PTPRF: variants seen among roughly 807,000 people sequenced by gnomAD.
PTPRF encodes protein tyrosine phosphatase receptor type F, also known as receptor-type tyrosine-protein phosphatase F.
Under a neutral mutation model 201.8 loss-of-function variants are expected in PTPRF, and 59 were observed. That is an observed-to-expected ratio of 0.29 (90% CI 0.24 to 0.36). PTPRF has a LOEUF of 0.36. Ranked by LOEUF, PTPRF falls within the 10% of genes least tolerant of loss-of-function variation. The pLI is 1.00. For missense variants in PTPRF, 2,132 were observed against 2,690.5 expected (o/e 0.79, Z 4.59); for synonymous variants, 1,088 against 1,089.7 (o/e 1.00, Z 0.03).
intron 14 of PTPRF, among the ~76,000 whole-genome samples, chr1:43,602,642 C>G (rs1654046711): frequency 6.6e-6 from 1 of 152,128 alleles, no homozygotes; most frequent in African/African-American, 2.4e-5. Context: ...TGCCCTGCTT[C>G]CCACTCTTCT....
Position 43,613,639 on chromosome 1 carries a change from T to C in PTPRF, c.3995T>C (p.Ile1332Thr). The C allele has an allele frequency of 6.2e-7, 1 of 1,613,880 alleles. No individual in the cohort carries two copies. The highest frequency in any genetic ancestry group is 8.5e-7 in the Non-Finnish European group (1 of 1,179,884). The change falls in exon 23 of 34, where the codon ATC becomes ACC. Residue 1332 changes from isoleucine (I) to threonine (T), a missense_variant. Physicochemically the swap from Ile to Thr is moderately conservative, Grantham distance 89. This residue lies in a region of PTPRF where 818 missense variants were observed against 915.3 expected (regional missense o/e 0.89). Coordinates refer to ENST00000359947, the MANE Select transcript of PTPRF (RefSeq NM_002840.5). ...CTAGGTATGCGAGACCACCCACCCATCCCCATCACCGACCTGGCGGACAAC... is the reference window on the plus strand; with the variant it reads ...CTAGGTATGCGAGACCACCCACCCACCCCCATCACCGACCTGGCGGACAAC... ...QTPGMRDHPPIPITDLADNIE... is the reference protein window; with the variant it reads ...QTPGMRDHPPTPITDLADNIE...
intron 3 of PTPRF, among the ~76,000 whole-genome samples, chr1:43,552,433 T>C: frequency 6.6e-6 from 1 of 152,242 alleles, no homozygotes; most frequent in East Asian, 1.9e-4. Flanking sequence ...ATAATAGCAA[T>C]GAAGGACTAA....
At chr1:43,589,060 G>A in intron 8 of PTPRF, 60 bp downstream of exon 8, 1 of 1,461,548 alleles carries the variant, frequency 6.8e-7, no homozygotes, top group Non-Finnish European at 9.1e-7. Context: ...TCCTGGTGGT[G>A]GGCGAATGTG....
At chr1:43,568,948 A>G (rs913367364) in intron 5 of PTPRF, among the ~76,000 whole-genome samples, 1 of 152,226 alleles carries the variant, frequency 6.6e-6, no homozygotes, top group Non-Finnish European at 1.5e-5. Context: ...TCCCAGGGTC[A>G]GGACTAAGTG....
intron 2 of PTPRF, among the ~76,000 whole-genome samples, chr1:43,540,277 G>C (rs1432727829): frequency 6.6e-6 from 1 of 152,148 alleles, no homozygotes; most frequent in Non-Finnish European, 1.5e-5. Context: ...GAGAACCTCT[G>C]GTCTACAGCC....
At chr1:43,587,334 G>A (rs1477074967) in intron 7 of PTPRF, among the ~76,000 whole-genome samples, 1 of 152,250 alleles carries the variant, frequency 6.6e-6, no homozygotes, top group African/African-American at 2.4e-5. Context: ...GAAGGATGAT[G>A]ATGGCTTGGA....
chr1:43,574,127 G>T (rs572098928), intron 6 of PTPRF, among the ~76,000 whole-genome samples: 1 of 151,746 alleles, frequency 6.6e-6, no homozygotes, highest in African/African-American at 2.4e-5. Context: ...CTCCTGAGTA[G>T]CTGGGATTAC....
Position 43,622,133 on chromosome 1 carries a change from G to T in PTPRF, c.*130G>T. 1.0e-6 allele frequency: 1 copy of T among 966,270 alleles called. No individual in the cohort carries two copies. Among genetic ancestry groups the T allele is most frequent in the East Asian group, 2.5e-5 (1 of 40,188 alleles). 59.9% of individuals were successfully genotyped at this position (966,270 alleles called of 1,614,324 possible). On this transcript the variant is annotated 3_prime_UTR_variant, in exon 34 of 34. Transcript: ENST00000359947. ...TCACTGGCAGAGCACAGCCCACGGG[G>T]ATCACAGCGTTTCAGGAACGTTGCC...
Position 43,614,375 on chromosome 1 carries a change from A to C in PTPRF, c.4071+660A>C, listed in dbSNP as rs551623608. Among the ~76,000 whole-genome samples the C allele has an allele frequency of 1.7e-4, 26 of 152,296 alleles. No individual in the cohort carries two copies. In the East Asian group the frequency reaches 4.6e-3, roughly 27 times the overall value. On this transcript the variant is annotated intron_variant, in intron 23 of 33. Coordinates refer to ENST00000359947, the MANE Select transcript of PTPRF (RefSeq NM_002840.5). ...CGAGACTGGCTGCTCAGGCTGTACAAGTCCCGCTTGGAGCCCTCCACACGT... is the reference window on the plus strand; with the variant it reads ...CGAGACTGGCTGCTCAGGCTGTACACGTCCCGCTTGGAGCCCTCCACACGT...
rs1644116891 is a variant in PTPRF at position 43,537,839 on chromosome 1, A to AG, written c.-125-356dup. ...TGGCAGGAGGAGAGCATGGGCAGGT[A>AG]GGGCTGCAGAGGTGGGAGGGGCCGA... On this transcript the variant is annotated intron_variant, in intron 1 of 33. Transcript: ENST00000359947. The surrounding 1 kb of genome is among the most constrained non-coding windows in gnomAD (Gnocchi z 4.8). Among the ~76,000 whole-genome samples, 1 of 152,094 alleles carries AG rather than the reference A, an allele frequency of 6.6e-6. No homozygotes were observed. The highest frequency in any genetic ancestry group is 2.4e-5 in the African/African-American group (1 of 41,420).
In PTPRF at chr1:43,620,559, T is replaced by C; in HGVS notation, c.5344T>C (p.Phe1782Leu). The change falls in exon 31 of 34, where the codon TTC becomes CTC. Residue 1782 changes from phenylalanine to leucine, a missense_variant. Phe to Leu is a conservative substitution (Grantham distance 22). Coordinates refer to ENST00000359947, the MANE Select transcript of PTPRF (RefSeq NM_002840.5). ...CATGCCCCAGTATATCCTGCGTGAG[T>C]TCAAGGTCACGGATGCCCGGGTGAG... ...YNMPQYILRE[F>L]KVTDARDGQS... 1 of 1,613,916 alleles carries C rather than the reference T, an allele frequency of 6.2e-7. No individual in the cohort carries two copies. The highest frequency in any genetic ancestry group is 2.2e-5 in the East Asian group (1 of 44,876).
chr1:43,611,495 G>A (rs575581831), intron 22 of PTPRF, among the ~76,000 whole-genome samples: 4 of 152,188 alleles, frequency 2.6e-5, no homozygotes, highest in South Asian at 2.1e-4. Flanking sequence ...AGACTGGAGG[G>A]CTAGGCAGAG....
intron 7 of PTPRF, among the ~76,000 whole-genome samples, chr1:43,582,015 G>A (rs766539757): frequency 1.3e-5 from 2 of 152,142 alleles, no homozygotes; most frequent in Non-Finnish European, 2.9e-5. Context: ...ATTACTGATG[G>A]CTTCCCACTG....
Position 43,606,134 on chromosome 1 carries a change from G to C in PTPRF, c.3484-106G>C, listed in dbSNP as rs1473252630. On this transcript the variant is annotated intron_variant, in intron 19 of 33. Transcript: ENST00000359947. ...GGCAGGTGTGGGCTCTGACACGGAA[G>C]GTGAGCCTTGATCTCGGCCCAGGGA... The C allele has an allele frequency of 2.1e-5, 27 of 1,279,678 alleles. No homozygotes were observed. In the East Asian group the frequency reaches 5.8e-4, roughly 28 times the overall value. 79.3% of individuals were successfully genotyped at this position (1,279,678 alleles called of 1,614,324 possible).
At chr1:43,581,755 C>G (rs1455476228) in intron 7 of PTPRF, among the ~76,000 whole-genome samples, 3 of 152,212 alleles carry the variant, frequency 2.0e-5, no homozygotes, top group Non-Finnish European at 2.9e-5. Context: ...GGCCTGCACC[C>G]CGTCCCATCT....
chr1:43,536,543 A>G (rs1644021471), intron 1 of PTPRF, among the ~76,000 whole-genome samples: 1 of 152,032 alleles, frequency 6.6e-6, no homozygotes, highest in African/African-American at 2.4e-5. Context: ...GGCCTTTCCC[A>G]TTACCCAGTT....
chr1:43,562,306 C>T (rs756561384), intron 5 of PTPRF, among the ~76,000 whole-genome samples: 7 of 152,160 alleles, frequency 4.6e-5, no homozygotes, highest in Non-Finnish European at 1.0e-4. Context: ...GATGGGGTTT[C>T]ACCGTGTTAG....
chr1:43,599,640 T>C (rs1403237743), intron 13 of PTPRF, among the ~76,000 whole-genome samples: 6 of 152,224 alleles, frequency 3.9e-5, no homozygotes, highest in Non-Finnish European at 5.9e-5. Context: ...CACATCTGTC[T>C]TCCTGGGAGG....
At chr1:43,621,529 C>T (rs1209601776) in intron 33 of PTPRF, among the ~76,000 whole-genome samples, 1 of 151,848 alleles carries the variant, frequency 6.6e-6, no homozygotes, top group African/African-American at 2.4e-5. Flanking sequence ...CAAAACAAAA[C>T]AAAAATGCTG....
Sources: gnomAD v4.1 joint callset for allele counts (sites outside exome capture counted in the v4.1 genomes callset) on GRCh38, gnomAD v4.1.1 for gene constraint, gnomAD v4.1.1 regional missense constraint, Gnocchi (gnomAD v3.1) non-coding constraint, MANE v1.5 for transcripts, NCBI Gene and HGNC (gene_info 2026-07-23, HGNC 2026-07-21) for gene names.